Variants in SAMD12 observed in about 807,000 individuals in gnomAD.
SAMD12 encodes the protein sterile alpha motif domain containing 12, also known as sterile alpha motif domain-containing protein 12.
A neutral mutation model predicts 15.0 loss-of-function variants in SAMD12; 9 were observed. The ratio of observed to expected loss-of-function variants is 0.60; its 90% confidence interval spans 0.36 to 1.05. The LOEUF (loss-of-function observed/expected upper bound fraction) is 1.05. Ranked by LOEUF, SAMD12 falls within the 50% of genes least tolerant of loss-of-function variation. The pLI, the probability that SAMD12 is intolerant of heterozygous loss-of-function variation, is 0.01. For synonymous variants in SAMD12, 86 were observed against 90.1 expected, an observed-to-expected ratio of 0.96 and a Z score of 0.25; for missense variants, 230 against 234.2, an observed-to-expected ratio of 0.98 and a Z score of 0.12.
chr8:118,168,008 G>A, the SAMD12 span, among the ~76,000 whole-genome samples: 2 of 152,122 alleles, frequency 1.3e-5, no homozygotes, highest in South Asian at 4.1e-4. Context: ...CCAGTGGGAG[G>A]TAATTGAATC....
At chr8:118,152,954 T>C in the SAMD12 span, among the ~76,000 whole-genome samples, 1 of 152,214 alleles carries the variant, frequency 6.6e-6, no homozygotes, top group Non-Finnish European at 1.5e-5. Flanking sequence ...AAGTGTTACA[T>C]GATTACTGTG....
the SAMD12 span, among the ~76,000 whole-genome samples, chr8:118,145,596 C>A: frequency 3.3e-5 from 5 of 152,126 alleles, no homozygotes; most frequent in Admixed American, 3.3e-4. Context: ...ATGTAGGTGA[C>A]AAAGTAAGGA....
Position 118,277,580 on chromosome 8 carries a change from G to GT in SAMD12, c.434-79849dup, listed in dbSNP as rs899553740. 2.5e-4 allele frequency among the ~76,000 whole-genome samples: 35 copies of GT among 138,858 alleles called. 1 individual carries two copies. The South Asian group carries it at 7.1e-3, about 28-fold the overall frequency. 91.1% of individuals were successfully genotyped at this position (138,858 alleles called of 152,430 possible). ...TATATTTGATTTGTATGTCTCCTGA[G>GT]TAAAAAAAAAAAAAAAGAAAGCAGA... On this transcript the variant is annotated intron_variant, in intron 4 of 4. Transcript: ENST00000409003.
At chr8:118,186,045 T>C (rs1015413629), downstream of SAMD12, among the ~76,000 whole-genome samples, 4 of 152,312 alleles carry the variant, frequency 2.6e-5, no homozygotes, top group East Asian at 5.8e-4. Context: ...GGGAAAACAG[T>C]TGATGCTTGA....
chr8:118,175,789 A>G, the SAMD12 span, among the ~76,000 whole-genome samples: 1 of 152,358 alleles, frequency 6.6e-6, no homozygotes, highest in Non-Finnish European at 1.5e-5. Flanking sequence ...ACAATGATAT[A>G]TCATATCACA....
chr8:118,459,753 T>C (rs1490751637), intron 2 of SAMD12, among the ~76,000 whole-genome samples: 1 of 152,194 alleles, frequency 6.6e-6, no homozygotes, highest in African/African-American at 2.4e-5. Context: ...TAGGTACCGT[T>C]CTCTGTAGAA....
At chr8:118,139,060 G>A in the SAMD12 span, among the ~76,000 whole-genome samples, 3 of 152,132 alleles carry the variant, frequency 2.0e-5, no homozygotes, top group African/African-American at 7.2e-5. Context: ...TGTGATACAA[G>A]ACCAAGTGGA....
chr8:118,136,545 T>C, the SAMD12 span, among the ~76,000 whole-genome samples: 1 of 152,232 alleles, frequency 6.6e-6, no homozygotes, highest in South Asian at 2.1e-4. Context: ...AGTTTTGTCA[T>C]CCTTTGGGCT....
chr8:118,433,462 A>C (rs1822481507), intron 3 of SAMD12, among the ~76,000 whole-genome samples: 1 of 150,978 alleles, frequency 6.6e-6, no homozygotes. Context: ...AGACATCTAA[A>C]GTCCTTTCCA....
intron 4 of SAMD12, among the ~76,000 whole-genome samples, chr8:118,372,278 T>C (rs921133737): frequency 7.2e-5 from 11 of 152,154 alleles, no homozygotes; most frequent in Admixed American, 2.6e-4. Flanking sequence ...TCCTATTGCC[T>C]GGTCAATAGA....
At chr8:118,363,207 C>T (rs751307977) in intron 4 of SAMD12, among the ~76,000 whole-genome samples, 2 of 152,176 alleles carry the variant, frequency 1.3e-5, no homozygotes, top group Non-Finnish European at 2.9e-5. Context: ...AGTCATCTTA[C>T]ACACTGCGAT....
At chr8:118,133,579 T>C in the SAMD12 span, among the ~76,000 whole-genome samples, 4 of 152,224 alleles carry the variant, frequency 2.6e-5, no homozygotes, top group Non-Finnish European at 5.9e-5. Context: ...AGTATTCAAA[T>C]TTAGCTGTTG....
At chr8:118,144,188 C>T in the SAMD12 span, among the ~76,000 whole-genome samples, 3 of 152,160 alleles carry the variant, frequency 2.0e-5, no homozygotes, top group Non-Finnish European at 2.9e-5. Context: ...AGCATTTAGG[C>T]CCTGCCCAGA....
At chr8:118,211,637 CTGAA>C (rs1811827951) in intron 4 of SAMD12, among the ~76,000 whole-genome samples, 1 of 152,128 alleles carries the variant, frequency 6.6e-6, no homozygotes, top group Non-Finnish European at 1.5e-5. Flanking sequence ...AGAAGTAATT[CTGAA>C]TCTATAAAAT....
chr8:118,332,211 A>G (rs1365404819), intron 4 of SAMD12, among the ~76,000 whole-genome samples: 1 of 152,244 alleles, frequency 6.6e-6, no homozygotes, highest in Non-Finnish European at 1.5e-5. Flanking sequence ...TAACACCAAA[A>G]TATTAACAGT....
intron 3 of SAMD12, among the ~76,000 whole-genome samples, chr8:118,417,181 A>G (rs1236792826): frequency 6.6e-6 from 1 of 152,104 alleles, no homozygotes; most frequent in Non-Finnish European, 1.5e-5. Flanking sequence ...CCTAAGCTCA[A>G]GTGATCCTTC....
chr8:118,390,965 A>T (rs1820241888), intron 3 of SAMD12, among the ~76,000 whole-genome samples: 1 of 152,194 alleles, frequency 6.6e-6, no homozygotes, highest in South Asian at 2.1e-4. Context: ...TCCCACCTGA[A>T]ATATAAATTC....
intron 4 of SAMD12, among the ~76,000 whole-genome samples, chr8:118,319,952 G>A (rs1459921894): frequency 6.6e-6 from 1 of 152,180 alleles, no homozygotes; most frequent in African/African-American, 2.4e-5. Context: ...GCATATTGGT[G>A]CACTTGGTAT....
At chr8:118,572,116 G>A (rs1827027816) in intron 2 of SAMD12, among the ~76,000 whole-genome samples, 2 of 152,218 alleles carry the variant, frequency 1.3e-5, no homozygotes, top group Admixed American at 6.5e-5. Context: ...GTGAGATATG[G>A]AGTCAAAGGA....
Sources: allele counts gnomAD v4.1 joint callset (sites outside exome capture counted in the v4.1 genomes callset), GRCh38; gene constraint gnomAD v4.1.1; transcripts MANE v1.5; gene names NCBI Gene and HGNC (gene_info 2026-07-23, HGNC 2026-07-21).